The following HEXD variants were observed in gnomAD, a reference collection of about 807,000 sequenced individuals.
HEXD encodes N-acetyl-beta-galactosaminidase.
Under a neutral mutation model 54.2 loss-of-function variants are expected in HEXD, and 47 were observed. That is an observed-to-expected ratio of 0.87 (90% CI 0.69 to 1.11). The LOEUF (loss-of-function observed/expected upper bound fraction) is 1.11, where lower values mean the gene tolerates loss of function less well. HEXD is among the 50% of genes least tolerant of loss of function. The pLI, the probability that HEXD is intolerant of heterozygous loss-of-function variation, is 0.00. For synonymous variants in HEXD, 293 were observed against 287.6 expected (o/e 1.02, Z -0.19); for missense variants, 576 against 649.2 (o/e 0.89, Z 1.23).
At position 82,434,453 on chromosome 17, in the gene HEXD, A is replaced by T. The variant is rs188506375; in HGVS notation, c.447+631A>T. On this transcript the variant is annotated intron_variant, in intron 5 of 12. Coordinates refer to ENST00000327949, the MANE Select transcript of HEXD (RefSeq NM_001330542.2). The surrounding 1 kb of genome is among the most constrained non-coding windows in gnomAD (Gnocchi z 4.5). ...TCTGCAGGGCTGTGGCTCACAGGGA[A>T]CCCGAGCTGAACATTTTAGCCCCAG... Among the ~76,000 whole-genome samples, 2 of 152,178 alleles carry T rather than the reference A, an allele frequency of 1.3e-5. No homozygotes were observed. Among genetic ancestry groups the T allele is most frequent in the East Asian group, 3.9e-4 (2 of 5,192 alleles).
rs8073425 is a variant in HEXD, at chr17:82,435,682, C to T, written c.448-7C>T. 876 of 1,607,064 alleles carry T rather than the reference C, an allele frequency of 5.5e-4. 2 individuals are homozygous for T. The African/African-American group carries it at 7.8e-3, about 14-fold the overall frequency. ...CAAGGCAACCCCGTCCTGCTCCTTCCTTGCAGGTCTATTACCTCGGAGAGG... is the reference window on the plus strand; with the variant it reads ...CAAGGCAACCCCGTCCTGCTCCTTCTTTGCAGGTCTATTACCTCGGAGAGG... On this transcript the variant is annotated splice_region_variant and splice_polypyrimidine_tract_variant and intron_variant, in intron 5 of 12. Transcript: ENST00000327949.
chr17:82,419,338 T>C (rs1184392150), intron 1 of HEXD, among the ~76,000 whole-genome samples: 2 of 152,190 alleles, frequency 1.3e-5, no homozygotes, highest in Admixed American at 6.5e-5. Context: ...CAAATTAGTT[T>C]TAATATTACC....
intron 5 of HEXD, 26 bp from the exon 6 acceptor site, chr17:82,435,663 A>G: frequency 6.3e-7 from 1 of 1,591,038 alleles, no homozygotes; most frequent in Non-Finnish European, 8.6e-7. Context: ...CTGCCAAGGC[A>G]ACCCCGTCCT....
intron 4 of HEXD, 146 bp from the exon 5 acceptor site, chr17:82,433,512 A>G: frequency 5.8e-6 from 4 of 692,736 alleles, no homozygotes; most frequent in Non-Finnish European, 9.0e-6. Flanking sequence ...AGCCCCCACA[A>G]GGTGCTGGGA....
intron 12 of HEXD, 87 bp downstream of exon 12, chr17:82,441,976 A>G: frequency 1.2e-5 from 17 of 1,411,992 alleles, no homozygotes; most frequent in Non-Finnish European, 1.6e-5. Context: ...ACTAGAGAGC[A>G]GAGGGTGAGC....
chr17:82,441,295 G>T, intron 11 of HEXD, 29 bp downstream of exon 11: 1 of 1,591,484 alleles, frequency 6.3e-7, no homozygotes. Context: ...GGCAGGTGTG[G>T]GTGAGGGGGG....
intron 3 of HEXD, among the ~76,000 whole-genome samples, chr17:82,424,967 T>C (rs191149739): frequency 4.3e-5 from 6 of 139,400 alleles, no homozygotes; most frequent in Non-Finnish European, 7.6e-5. Context: ...TACAGAAGGT[T>C]AGAGAAGGCC....
chr17:82,431,368 C>A (rs1244269877), intron 4 of HEXD, among the ~76,000 whole-genome samples: 1 of 151,714 alleles, frequency 6.6e-6, no homozygotes, highest in Non-Finnish European at 1.5e-5. Flanking sequence ...CACTATGTTG[C>A]TGGGCTGGTC....
Position 82,418,570 on chromosome 17 carries a change from G to A in HEXD, c.-222G>A. ...GTAACAGGGAGCGCGAGGCAGGCAC[G>A]GCGCAGGGACGCGAGTGCGACGCGC... On this transcript the variant is annotated 5_prime_UTR_variant, in exon 1 of 13. Transcript: ENST00000327949. 1 of 692,054 alleles carries A rather than the reference G, an allele frequency of 1.4e-6. No homozygotes were observed. The highest frequency in any genetic ancestry group is 2.0e-6 in the Non-Finnish European group (1 of 499,554). The allele number at this position is 692,054 out of a possible 1,614,324, so 42.9% of individuals were successfully genotyped here.
At chr17:82,440,147 CA>C (rs1253328824) in intron 9 of HEXD, 2 of 1,292,470 alleles carry the variant, frequency 1.5e-6, no homozygotes, top group Admixed American at 4.6e-5. Context: ...GACCCATGGG[CA>C]GGGGCAGGCA....
At position 82,441,753 on chromosome 17, in the gene HEXD, G is replaced by A. The variant is rs373377750; in HGVS notation, c.1164-47G>A. 179 of 1,484,346 alleles carry A rather than the reference G, an allele frequency of 1.2e-4. 1 individual carries two copies. The highest frequency in any genetic ancestry group is 4.7e-4 in the East Asian group (21 of 44,258). 91.9% of individuals were successfully genotyped at this position (1,484,346 alleles called of 1,614,324 possible). The stretch of plus-strand genomic sequence containing the variant: ...CTGTATTACTGCAAAGCCGCCCCAC[G>A]GCTGCCTTGGTAGCCCGCGGCACAC... On this transcript the variant is annotated intron_variant, in intron 11 of 12. Coordinates refer to ENST00000327949, the MANE Select transcript of HEXD (RefSeq NM_001330542.2).
intron 11 of HEXD, 63 bp downstream of exon 11, chr17:82,441,329 AGGGG>A: frequency 2.1e-6 from 1 of 487,024 alleles, no homozygotes; most frequent in Non-Finnish European, 3.0e-6. Flanking sequence ...GGTGCAGGTG[AGGGG>A]GCAGGTGTGG....
intron 1 of HEXD, among the ~76,000 whole-genome samples, chr17:82,419,255 GTT>G (rs1250506887): frequency 2.0e-5 from 3 of 152,136 alleles, no homozygotes; most frequent in Non-Finnish European, 4.4e-5. Context: ...ATCCTAGACA[GTT>G]TTCTCCAACC....
At position 82,434,711 on chromosome 17, in the gene HEXD, GC is replaced by G. The variant is rs1426020653; in HGVS notation, c.447+891del. Reference sequence around the variant, plus strand: ...AAATCAGCCGGGCGTGATGGCGGGCGCCTGTAATCCCAGCTACTCAGGAGGC... The same window carrying G: ...AAATCAGCCGGGCGTGATGGCGGGCGCTGTAATCCCAGCTACTCAGGAGGC... On this transcript the variant is annotated intron_variant, in intron 5 of 12. Transcript: ENST00000327949. This position sits in a 1 kb window ranked among gnomAD's most constrained non-coding sequence, Gnocchi z 4.5. Among the ~76,000 whole-genome samples the G allele has an allele frequency of 6.6e-6, 1 of 151,942 alleles. No individual in the cohort carries two copies. The highest frequency in any genetic ancestry group is 2.4e-5 in the African/African-American group (1 of 41,340).
chr17:82,440,935 A>G (rs1022281163), intron 9 of HEXD, 62 bp from the exon 10 acceptor site: 8 of 1,574,396 alleles, frequency 5.1e-6, no homozygotes, highest in African/African-American at 2.7e-5. Flanking sequence ...TGCAGGTCCC[A>G]ATGTAGCCCC....
rs1320682287 is a variant in HEXD at position 82,419,805 on chromosome 17, A to C, written c.6A>C (p.Ser2=). M[S]GSTPFQMRLV... ...AGTTCACAGGAAATATTGAAATGTC[A>C]GGTTCCACTCCATTTCAGATGAGAT... The change falls in exon 2 of 13, where the codon TCA becomes TCC. Residue 2 remains serine (S), a synonymous_variant. Transcript: ENST00000327949. 20 of 1,601,916 alleles carry C rather than the reference A, an allele frequency of 1.2e-5. No individual in the cohort carries two copies. Among genetic ancestry groups the C allele is most frequent in the Non-Finnish European group, 1.5e-5 (17 of 1,169,472 alleles).
At position 82,435,668 on chromosome 17, in the gene HEXD, C is replaced by T. The variant is rs375753424; in HGVS notation, c.448-21C>T. 3.1e-5 allele frequency: 50 copies of T among 1,596,206 alleles called. No homozygotes were observed. In the African/African-American group the frequency reaches 3.6e-4, roughly 12 times the overall value. ...GTGTGCACGGCTGCCAAGGCAACCC[C>T]GTCCTGCTCCTTCCTTGCAGGTCTA... is the stretch of plus-strand genomic sequence containing the variant. On this transcript the variant is annotated intron_variant, in intron 5 of 12. Transcript: ENST00000327949.
chr17:82,440,021 G>GCA (rs2053884399), intron 9 of HEXD: 3 of 1,356,910 alleles, frequency 2.2e-6, no homozygotes, highest in Non-Finnish European at 2.9e-6. Flanking sequence ...CACCTTTGCT[G>GCA]CACACACGTC....
intron 4 of HEXD, among the ~76,000 whole-genome samples, chr17:82,429,631 C>G (rs1297635028): frequency 1.3e-5 from 2 of 152,146 alleles, no homozygotes; most frequent in Non-Finnish European, 2.9e-5. Context: ...GGTTTTAGTC[C>G]TTTCCTGCTG....
Sources: allele counts gnomAD v4.1 joint callset (sites outside exome capture counted in the v4.1 genomes callset), GRCh38; gene constraint gnomAD v4.1.1; non-coding constraint Gnocchi (gnomAD v3.1); transcripts MANE v1.5; gene names NCBI Gene and HGNC (gene_info 2026-07-23, HGNC 2026-07-21).